Variants in NRXN3 observed in about 807,000 individuals in gnomAD.
The protein encoded by NRXN3 is neurexin 3.
In NRXN3, 32 loss-of-function variants were observed where a neutral mutation model predicts 137.6. The observed-to-expected ratio is 0.23, with a 90% confidence interval of 0.18 to 0.31. The LOEUF (loss-of-function observed/expected upper bound fraction) is 0.31. NRXN3 is among the 10% of genes least tolerant of loss of function. The pLI is 1.00. For missense variants in NRXN3, 1,574 were observed against 2,062.5 expected, an observed-to-expected ratio of 0.76 and a Z score of 4.59; for synonymous variants, 798 against 784.5, an observed-to-expected ratio of 1.02 and a Z score of -0.29.
At chr14:78,957,860 T>C (rs2099399865) in intron 11 of NRXN3, among the ~76,000 whole-genome samples, 1 of 152,232 alleles carries the variant, frequency 6.6e-6, no homozygotes, top group South Asian at 2.1e-4. Flanking sequence ...TATTTAATCA[T>C]TATTAATTAT....
At chr14:79,273,940 C>CA (rs1274812220) in intron 15 of NRXN3, among the ~76,000 whole-genome samples, 1 of 151,156 alleles carries the variant, frequency 6.6e-6, no homozygotes, top group Non-Finnish European at 1.5e-5. Context: ...ACTAAATATA[C>CA]AAAAAAATTA....
chr14:78,953,084 T>C (rs1485264958), intron 10 of NRXN3, among the ~76,000 whole-genome samples: 1 of 152,208 alleles, frequency 6.6e-6, no homozygotes, highest in Admixed American at 6.5e-5. Flanking sequence ...ATTCATGTAA[T>C]ATGAACAGTC....
intron 15 of NRXN3, among the ~76,000 whole-genome samples, chr14:79,331,650 C>T (rs894180792): frequency 4.6e-5 from 7 of 152,088 alleles, no homozygotes; most frequent in Admixed American, 2.0e-4. Context: ...TACCCACCAC[C>T]GTTAAGATTA....
chr14:79,482,039 T>A (rs2096613970), intron 16 of NRXN3, among the ~76,000 whole-genome samples: 1 of 152,118 alleles, frequency 6.6e-6, no homozygotes. Flanking sequence ...TAGGAGTAAG[T>A]GGGAAAGTTG....
chr14:78,721,067 T>C (rs778646342), intron 8 of NRXN3, among the ~76,000 whole-genome samples: 4 of 152,138 alleles, frequency 2.6e-5, no homozygotes, highest in Non-Finnish European at 5.9e-5. Context: ...TCTACCAGTG[T>C]CAATGATTCA....
intron 15 of NRXN3, among the ~76,000 whole-genome samples, chr14:79,033,754 A>G (rs1026707523): frequency 1.3e-5 from 2 of 152,104 alleles, no homozygotes; most frequent in Non-Finnish European, 2.9e-5. Context: ...TGAGTTAGTA[A>G]CCAAGATGTC....
At chr14:79,655,656 A>G (rs1318455211) in intron 16 of NRXN3, among the ~76,000 whole-genome samples, 4 of 152,148 alleles carry the variant, frequency 2.6e-5, no homozygotes, top group Admixed American at 6.5e-5. Flanking sequence ...CAGTTTCTCA[A>G]TAGTGGCACT....
intron 3 of NRXN3, chr14:78,279,831 A>AATTTATCTT (rs1462351710): frequency 2.6e-5 from 4 of 152,320 alleles, no homozygotes; most frequent in African/African-American, 9.6e-5. Context: ...TTTCCAAATG[A>AATTTATCTT]ATTTATCTTT....
chr14:78,994,451 T>C (rs1038476736), intron 15 of NRXN3, among the ~76,000 whole-genome samples: 8 of 152,238 alleles, frequency 5.3e-5, no homozygotes, highest in Non-Finnish European at 8.8e-5. Context: ...TGCCCAACTC[T>C]TGGGGAGAAA....
At chr14:78,416,901 C>T (rs1474898514) in intron 4 of NRXN3, among the ~76,000 whole-genome samples, 1 of 152,164 alleles carries the variant, frequency 6.6e-6, no homozygotes, top group African/African-American at 2.4e-5. Context: ...ATGGGCCTAG[C>T]AATTCTATTA....
intron 15 of NRXN3, among the ~76,000 whole-genome samples, chr14:79,352,259 T>A (rs1196039714): frequency 6.6e-6 from 1 of 152,162 alleles, no homozygotes; most frequent in South Asian, 2.1e-4. Flanking sequence ...GTCTGGCTAA[T>A]CATCCAGATG....
intron 16 of NRXN3, among the ~76,000 whole-genome samples, chr14:79,592,540 T>C (rs575467142): frequency 6.6e-6 from 1 of 152,230 alleles, no homozygotes; most frequent in South Asian, 2.1e-4. Context: ...TAATGTTATA[T>C]GTTAATGGTC....
At chr14:78,480,787 G>T (rs2095459843) in intron 4 of NRXN3, among the ~76,000 whole-genome samples, 1 of 152,018 alleles carries the variant, frequency 6.6e-6, no homozygotes, top group Non-Finnish European at 1.5e-5. Context: ...ATTAAAAAAT[G>T]GAGCAGACAC....
rs556511714 is a variant in NRXN3, at chr14:79,491,815, T to G, written c.3444+24413T>G. On this transcript the variant is annotated intron_variant, in intron 16 of 20. Transcript: ENST00000335750. ...TGTATGAAGTAAATAGTAAATTCAGTTACAGTATATATAAACATTAAGAAG... is the reference window on the plus strand; with the variant it reads ...TGTATGAAGTAAATAGTAAATTCAGGTACAGTATATATAAACATTAAGAAG... Among the ~76,000 whole-genome samples, 174 of 152,278 alleles carry G rather than the reference T, an allele frequency of 1.1e-3. 1 individual carries two copies. The highest frequency in any genetic ancestry group is 2.1e-3 in the Non-Finnish European group (145 of 68,022).
chr14:79,454,355 T>C (rs778543067), intron 15 of NRXN3, among the ~76,000 whole-genome samples: 3 of 152,138 alleles, frequency 2.0e-5, no homozygotes, highest in Non-Finnish European at 4.4e-5. Context: ...GTGATGGGAT[T>C]ACAAGCATGC....
At chr14:79,185,374 A>G (rs1247223631) in intron 15 of NRXN3, among the ~76,000 whole-genome samples, 1 of 152,208 alleles carries the variant, frequency 6.6e-6, no homozygotes, top group Non-Finnish European at 1.5e-5. Context: ...TGAAAGATAC[A>G]CATGGTGAAA....
At chr14:78,700,349 C>T (rs1016900482) in intron 6 of NRXN3, among the ~76,000 whole-genome samples, 12 of 152,172 alleles carry the variant, frequency 7.9e-5, no homozygotes, top group African/African-American at 2.7e-4. Flanking sequence ...CCTCCTGGAG[C>T]ACTACCTTGA....
chr14:79,162,565 A>G (rs2060894017), intron 15 of NRXN3, among the ~76,000 whole-genome samples: 1 of 151,966 alleles, frequency 6.6e-6, no homozygotes, highest in Non-Finnish European at 1.5e-5. Flanking sequence ...TCTCAAAAGA[A>G]GACATTTATG....
intron 15 of NRXN3, among the ~76,000 whole-genome samples, chr14:79,129,634 C>T (rs1221571670): frequency 7.4e-6 from 1 of 134,492 alleles, no homozygotes; most frequent in Non-Finnish European, 1.6e-5. Flanking sequence ...TGGTGTGGTG[C>T]TGAAAAAAAT....
Sources: gnomAD v4.1 joint callset for allele counts (sites outside exome capture counted in the v4.1 genomes callset) on GRCh38, gnomAD v4.1.1 for gene constraint, MANE v1.5 for transcripts, NCBI Gene and HGNC (gene_info 2026-07-23, HGNC 2026-07-21) for gene names.